The following FOXP2 variants were observed in gnomAD, a reference collection of about 807,000 sequenced individuals.
FOXP2 encodes the protein forkhead box P2, also known as forkhead box protein P2.
A neutral mutation model predicts 115.8 loss-of-function variants in FOXP2; 12 were observed. The ratio of observed to expected loss-of-function variants is 0.10; its 90% CI spans 0.07 to 0.17. The LOEUF (loss-of-function observed/expected upper bound fraction) is 0.17. FOXP2 is among the 10% of genes least tolerant of loss of function. FOXP2 has a pLI of 1.00. For missense variants in FOXP2, 629 were observed against 843.5 expected (o/e 0.75, Z 3.15); for synonymous variants, 328 against 297.7 (o/e 1.10, Z -1.05).
At chr7:114,252,922 G>T (rs1243365034) in intron 1 of FOXP2, among the ~76,000 whole-genome samples, 1 of 151,998 alleles carries the variant, frequency 6.6e-6, no homozygotes, top group Non-Finnish European at 1.5e-5. Context: ...TTTCTCTTGT[G>T]GGCATTTAGT....
intron 2 of FOXP2, among the ~76,000 whole-genome samples, chr7:114,488,553 A>G (rs1219588029): frequency 6.6e-6 from 1 of 152,216 alleles, no homozygotes; most frequent in African/African-American, 2.4e-5. Context: ...TACAACTCAT[A>G]CAGATTTTAA....
chr7:114,410,570 T>A (rs1793139080), upstream of FOXP2, among the ~76,000 whole-genome samples: 1 of 152,144 alleles, frequency 6.6e-6, no homozygotes, highest in Non-Finnish European at 1.5e-5. Context: ...GCTCAATAAA[T>A]ATTTTCCTTT....
rs187641593 is a variant in FOXP2 at position 114,458,200 on chromosome 7, A to G, written c.168+31521A>G. Among the ~76,000 whole-genome samples the G allele has an allele frequency of 4.1e-3, 622 of 152,302 alleles. 5 individuals are homozygous for G. The highest frequency in any genetic ancestry group is 0.031 in the Middle Eastern group (9 of 294). On this transcript the variant is annotated intron_variant, in intron 2 of 16. Transcript: ENST00000350908. Reference sequence around the variant, plus strand: ...CATGTGACTTAAGTAATTTGATACTAAGAAAGGGAATGTGTTGTTAATGGT... The same window carrying G: ...CATGTGACTTAAGTAATTTGATACTGAGAAAGGGAATGTGTTGTTAATGGT...
At chr7:114,248,216 G>GAC (rs1340046231) in intron 1 of FOXP2, among the ~76,000 whole-genome samples, 1 of 151,562 alleles carries the variant, frequency 6.6e-6, no homozygotes, top group Admixed American at 6.6e-5. Flanking sequence ...GAGAGAGACA[G>GAC]AGAGACAGAG....
intron 3 of FOXP2, among the ~76,000 whole-genome samples, chr7:114,626,472 C>T (rs1022111532): frequency 2.0e-5 from 3 of 151,506 alleles, no homozygotes; most frequent in East Asian, 1.9e-4. Context: ...AAATAAGGAG[C>T]GGTTATGTAA....
chr7:114,132,871 C>T (rs1791929705), intron 1 of FOXP2, among the ~76,000 whole-genome samples: 1 of 152,056 alleles, frequency 6.6e-6, no homozygotes, highest in Admixed American at 6.5e-5. Flanking sequence ...AGCATAGGGC[C>T]TTTTGGATTA....
chr7:114,648,751 A>C (rs1806062163), intron 8 of FOXP2, among the ~76,000 whole-genome samples: 1 of 152,172 alleles, frequency 6.6e-6, no homozygotes, highest in Non-Finnish European at 1.5e-5. Flanking sequence ...GTTTTGAAAG[A>C]ACGTCAGTCG....
At chr7:114,487,379 G>T (rs761074112) in intron 2 of FOXP2, among the ~76,000 whole-genome samples, 15 of 152,100 alleles carry the variant, frequency 9.9e-5, no homozygotes, top group Non-Finnish European at 1.5e-4. Flanking sequence ...CCCAACCCAG[G>T]AAACCATTTT....
rs183851003 is a variant in FOXP2 at position 114,306,693 on chromosome 7, A to G, written c.-11+18584A>G. Among the ~76,000 whole-genome samples the G allele has an allele frequency of 2.0e-5, 3 of 152,316 alleles. No individual in the cohort carries two copies. The East Asian group carries it at 5.8e-4, about 29-fold the overall frequency. ...TTATTATCTCATAGTTCTGGAAGTCAGAAGTATGACATAGATTTCACTGGT... is the reference window on the plus strand; with the variant it reads ...TTATTATCTCATAGTTCTGGAAGTCGGAAGTATGACATAGATTTCACTGGT... On this transcript the variant is annotated intron_variant, in intron 2 of 17. Transcript: ENST00000634411.
chr7:114,430,762 A>G (rs1356027360), intron 2 of FOXP2, among the ~76,000 whole-genome samples: 1 of 151,872 alleles, frequency 6.6e-6, no homozygotes, highest in Non-Finnish European at 1.5e-5. Context: ...GATAACCTAG[A>G]AAGAATGTTT....
At chr7:114,307,310 C>T (rs150031573) in intron 2 of FOXP2, among the ~76,000 whole-genome samples, 7 of 152,176 alleles carry the variant, frequency 4.6e-5, no homozygotes, top group South Asian at 2.1e-4. Flanking sequence ...TTATGCCCCC[C>T]GAGTCCTGGA....
intron 2 of FOXP2, among the ~76,000 whole-genome samples, chr7:114,498,087 T>A (rs1414936463): frequency 6.6e-6 from 1 of 152,190 alleles, no homozygotes; most frequent in Admixed American, 6.5e-5. Context: ...TGATTATAAA[T>A]CTTAATTACC....
At chr7:114,542,341 G>T (rs960357591) in intron 3 of FOXP2, among the ~76,000 whole-genome samples, 3 of 151,878 alleles carry the variant, frequency 2.0e-5, no homozygotes, top group Admixed American at 2.0e-4. Flanking sequence ...AAATAAAACC[G>T]TGCCCATTCT....
intron 1 of FOXP2, among the ~76,000 whole-genome samples, chr7:114,198,013 C>A (rs971130327): frequency 1.3e-5 from 2 of 151,886 alleles, no homozygotes; most frequent in African/African-American, 4.8e-5. Context: ...TACAGGCATG[C>A]ACCACCATGC....
chr7:114,103,723 A>G (rs1268655398), intron 1 of FOXP2, among the ~76,000 whole-genome samples: 1 of 152,068 alleles, frequency 6.6e-6, no homozygotes, highest in African/African-American at 2.4e-5. Context: ...ATTTAGAGGT[A>G]ACATTTGTTT....
intron 13 of FOXP2, chr7:114,661,784 T>C: frequency 7.7e-6 from 3 of 389,190 alleles, no homozygotes; most frequent in South Asian, 2.1e-5. Flanking sequence ...ATACTGTAAT[T>C]TGTACAGATA....
intron 2 of FOXP2, among the ~76,000 whole-genome samples, chr7:114,505,314 G>A (rs377676698): frequency 6.6e-6 from 1 of 151,392 alleles, no homozygotes; most frequent in African/African-American, 2.4e-5. Flanking sequence ...ATTAAGACAG[G>A]TCAGCAGGAT....
At chr7:114,637,387 C>G (rs1055367685) in intron 6 of FOXP2, among the ~76,000 whole-genome samples, 6 of 152,110 alleles carry the variant, frequency 3.9e-5, no homozygotes, top group Non-Finnish European at 5.9e-5. Context: ...CTTTTTGGCA[C>G]TACTAGTATA....
At chr7:114,150,406 T>C (rs1792500481) in intron 1 of FOXP2, among the ~76,000 whole-genome samples, 1 of 152,096 alleles carries the variant, frequency 6.6e-6, no homozygotes, top group African/African-American at 2.4e-5. Context: ...CTTGGTATGT[T>C]TCTAGAAATA....
Sources: gnomAD v4.1 joint callset for allele counts (sites outside exome capture counted in the v4.1 genomes callset) on GRCh38, gnomAD v4.1.1 for gene constraint, MANE v1.5 for transcripts, NCBI Gene and HGNC (gene_info 2026-07-23, HGNC 2026-07-21) for gene names.